Variants in GRM7 observed in about 807,000 individuals in gnomAD.
The protein encoded by GRM7 is metabotropic glutamate receptor 7.
A neutral mutation model predicts 84.5 loss-of-function variants in GRM7; 35 were observed. The ratio of observed to expected loss-of-function variants is 0.41; its 90% CI spans 0.32 to 0.55. GRM7 has a LOEUF of 0.55. Ranked by LOEUF, GRM7 falls within the 20% of genes least tolerant of loss-of-function variation. GRM7 has a pLI of 0.19. For missense variants in GRM7, 1,003 were observed against 1,194.6 expected, an observed-to-expected ratio of 0.84 and a Z score of 2.36; for synonymous variants, 487 against 455.1, an observed-to-expected ratio of 1.07 and a Z score of -0.89.
At chr3:7,218,796 T>G (rs143046057) in intron 2 of GRM7, among the ~76,000 whole-genome samples, 3 of 150,214 alleles carry the variant, frequency 2.0e-5, no homozygotes, top group African/African-American at 4.9e-5. Flanking sequence ...AGATATTGAT[T>G]TGTCATGTGC....
intron 5 of GRM7, among the ~76,000 whole-genome samples, chr3:7,425,401 G>C (rs1477293139): frequency 6.6e-6 from 1 of 152,112 alleles, no homozygotes; most frequent in Non-Finnish European, 1.5e-5. Context: ...TACACAAGAG[G>C]GAATTGTAGC....
intron 2 of GRM7, among the ~76,000 whole-genome samples, chr3:7,240,687 G>C (rs920780111): frequency 6.6e-6 from 1 of 152,064 alleles, no homozygotes; most frequent in East Asian, 1.9e-4. Context: ...TCTACTGACT[G>C]TCAATCCCTT....
chr3:7,073,103 TTA>T (rs1697945437), intron 1 of GRM7, among the ~76,000 whole-genome samples: 1 of 152,128 alleles, frequency 6.6e-6, no homozygotes, highest in Non-Finnish European at 1.5e-5. Flanking sequence ...TTTTTATTTT[TTA>T]TGTTTCATTT....
chr3:7,147,661 T>C (rs1694154299), intron 2 of GRM7, among the ~76,000 whole-genome samples: 1 of 152,110 alleles, frequency 6.6e-6, no homozygotes, highest in Admixed American at 6.6e-5. Flanking sequence ...CGGATACGGA[T>C]GATGCTAGAA....
chr3:7,469,710 A>T (rs1249949250), intron 7 of GRM7, among the ~76,000 whole-genome samples: 1 of 152,176 alleles, frequency 6.6e-6, no homozygotes, highest in South Asian at 2.1e-4. Flanking sequence ...CTCTGAAAAG[A>T]TGGCATTTAA....
At position 7,572,879 on chromosome 3, in the gene GRM7, TAA is replaced by T. The variant is rs1553618268; in HGVS notation, c.1516-5541_1516-5540del. Among the ~76,000 whole-genome samples the T allele has an allele frequency of 4.7e-4, 31 of 66,138 alleles. 2 individuals carry two copies. Among genetic ancestry groups the T allele is most frequent in the African/African-American group, 1.2e-3 (22 of 18,330 alleles). The allele number at this position is 66,138 out of a possible 152,430, so 43.4% of individuals were successfully genotyped here. A position where few individuals can be genotyped will look rare whatever the true frequency, so the allele number is the denominator to read the frequency against. On this transcript the variant is annotated intron_variant, in intron 7 of 9. Transcript: ENST00000357716. ...ATATATATATATATATATATATATA[TAA>T]ATAATCTTTCTACCTATAATAATTC... is the stretch of plus-strand genomic sequence containing the variant.
intron 7 of GRM7, among the ~76,000 whole-genome samples, chr3:7,470,117 C>T (rs376040261): frequency 6.6e-6 from 1 of 152,328 alleles, no homozygotes; most frequent in African/African-American, 2.4e-5. Flanking sequence ...TCCTACCACT[C>T]TCTTACATAA....
At chr3:6,997,389 G>C (rs1694861863) in intron 1 of GRM7, among the ~76,000 whole-genome samples, 1 of 152,136 alleles carries the variant, frequency 6.6e-6, no homozygotes, top group Non-Finnish European at 1.5e-5. Flanking sequence ...CTGCAGGGCT[G>C]GGGACACCTC....
intron 8 of GRM7, among the ~76,000 whole-genome samples, chr3:7,662,677 A>G (rs1190799506): frequency 6.6e-6 from 1 of 152,362 alleles, no homozygotes; most frequent in South Asian, 2.1e-4. Context: ...TATAATGTAC[A>G]TGACTTTTAA....
intron 2 of GRM7, among the ~76,000 whole-genome samples, chr3:7,214,114 C>CAAAAAAAAAAAAAA: frequency 7.9e-6 from 1 of 126,602 alleles, no homozygotes; most frequent in South Asian, 2.6e-4. Context: ...ACTAATCAGC[C>CAAAAAAAAAAAAAA]AAAAAAAAAA....
chr3:7,454,457 T>C (rs963083340), intron 6 of GRM7, among the ~76,000 whole-genome samples: 4 of 152,122 alleles, frequency 2.6e-5, no homozygotes, highest in African/African-American at 4.8e-5. Context: ...ATCATAATTA[T>C]ATTATAAACA....
At chr3:7,182,430 G>A (rs1165338829) in intron 2 of GRM7, among the ~76,000 whole-genome samples, 2 of 152,036 alleles carry the variant, frequency 1.3e-5, no homozygotes, top group African/African-American at 4.8e-5. Context: ...AAATCTTTGG[G>A]AGACGATTGT....
intron 8 of GRM7, among the ~76,000 whole-genome samples, chr3:7,623,647 A>C (rs1697468404): frequency 6.6e-6 from 1 of 152,126 alleles, no homozygotes; most frequent in Admixed American, 6.6e-5. Context: ...GTCTTGAAGC[A>C]TCTCCTACAA....
chr3:6,896,390 A>T (rs545601955), intron 1 of GRM7, among the ~76,000 whole-genome samples: 2 of 152,314 alleles, frequency 1.3e-5, no homozygotes, highest in Non-Finnish European at 2.9e-5. Flanking sequence ...TAAAATGAAC[A>T]TTTGATTTTC....
intron 1 of GRM7, among the ~76,000 whole-genome samples, chr3:7,038,941 A>G (rs527548982): frequency 1.3e-5 from 2 of 152,226 alleles, no homozygotes; most frequent in African/African-American, 4.8e-5. Context: ...GCAGCAACAT[A>G]ATCGTCTCCT....
chr3:7,114,274 G>T (rs1000868827), intron 1 of GRM7, among the ~76,000 whole-genome samples: 1 of 152,140 alleles, frequency 6.6e-6, no homozygotes, highest in East Asian at 1.9e-4. Context: ...GAGCAATGAG[G>T]TTATTACACA....
intron 1 of GRM7, among the ~76,000 whole-genome samples, chr3:6,984,041 T>G (rs562004532): frequency 6.6e-6 from 1 of 152,378 alleles, no homozygotes; most frequent in African/African-American, 2.4e-5. Context: ...TTCCGTGGAA[T>G]GACTTGAAGA....
intron 1 of GRM7, among the ~76,000 whole-genome samples, chr3:7,140,490 C>T (rs9813030): frequency 0.058 from 8,785 of 151,948 alleles, 646 homozygotes; most frequent in African/African-American, 0.16. Flanking sequence ...CCAGATTTGC[C>T]ACTTACTTAT....
intron 1 of GRM7, among the ~76,000 whole-genome samples, chr3:7,088,533 T>C (rs1439510345): frequency 6.7e-6 from 1 of 149,308 alleles, no homozygotes; most frequent in Non-Finnish European, 1.5e-5. Context: ...GGATGAGAGA[T>C]AGGGGCCAGA....
Sources: gnomAD v4.1 joint callset for allele counts (sites outside exome capture counted in the v4.1 genomes callset) on GRCh38, gnomAD v4.1.1 for gene constraint, MANE v1.5 for transcripts, NCBI Gene and HGNC (gene_info 2026-07-23, HGNC 2026-07-21) for gene names.